Variants in ARB2A observed in about 807,000 individuals in gnomAD.
ARB2A encodes the protein ARB2 cotranscriptional regulator A.
the ARB2A span, among the ~76,000 whole-genome samples, chr5:93,848,045 A>G: frequency 2.6e-5 from 4 of 152,244 alleles, no homozygotes; most frequent in Non-Finnish European, 5.9e-5. Flanking sequence ...TGTTAATAAC[A>G]TTACAAAATC....
At chr5:94,052,953 T>G in the ARB2A span, among the ~76,000 whole-genome samples, 1 of 152,210 alleles carries the variant, frequency 6.6e-6, no homozygotes, top group Admixed American at 6.5e-5. Flanking sequence ...AATTTCACCA[T>G]GCAAGGATGT....
the ARB2A span, among the ~76,000 whole-genome samples, chr5:93,989,109 C>A: frequency 6.6e-6 from 1 of 152,044 alleles, no homozygotes; most frequent in South Asian, 2.1e-4. Context: ...AAATTTTAAC[C>A]AGACACTCTT....
At chr5:93,801,673 C>A in the ARB2A span, among the ~76,000 whole-genome samples, 1 of 152,068 alleles carries the variant, frequency 6.6e-6, no homozygotes, top group Non-Finnish European at 1.5e-5. Flanking sequence ...GGCACATGCA[C>A]ACACACTGTA....
the ARB2A span, chr5:93,741,434 C>A: frequency 1.9e-6 from 3 of 1,613,386 alleles, no homozygotes; most frequent in African/African-American, 2.7e-5. Context: ...CAGACCATCA[C>A]CCTGCCAGGG....
the ARB2A span, among the ~76,000 whole-genome samples, chr5:94,030,476 C>A: frequency 6.6e-6 from 1 of 152,224 alleles, no homozygotes; most frequent in Non-Finnish European, 1.5e-5. Context: ...TGGGCATGGG[C>A]CCCTATATCT....
chr5:93,668,089 G>A, the ARB2A span, among the ~76,000 whole-genome samples: 1 of 152,022 alleles, frequency 6.6e-6, no homozygotes. Context: ...AAAATATTAT[G>A]TTCTTAAAGC....
chr5:93,897,984 C>T, the ARB2A span, among the ~76,000 whole-genome samples: 1 of 151,864 alleles, frequency 6.6e-6, no homozygotes, highest in Admixed American at 6.6e-5. Context: ...ACCATGTTCC[C>T]AGATAAAAGT....
chr5:94,011,254 C>T, the ARB2A span, among the ~76,000 whole-genome samples: 5 of 152,164 alleles, frequency 3.3e-5, no homozygotes, highest in African/African-American at 1.2e-4. Flanking sequence ...AAGTGCTCCT[C>T]GGCCTAGTGC....
chr5:93,937,473 G>A, the ARB2A span, among the ~76,000 whole-genome samples: 6 of 151,868 alleles, frequency 4.0e-5, no homozygotes, highest in East Asian at 1.9e-4. Context: ...TTAGCTGGGC[G>A]TGGTGGCATG....
chr5:94,024,324 G>C, the ARB2A span, among the ~76,000 whole-genome samples: 1 of 152,168 alleles, frequency 6.6e-6, no homozygotes, highest in South Asian at 2.1e-4. Context: ...CCAGCAGACT[G>C]CCTTTGGACT....
At chr5:93,761,398 C>A in the ARB2A span, among the ~76,000 whole-genome samples, 18 of 152,300 alleles carry the variant, frequency 1.2e-4, no homozygotes, top group Admixed American at 1.2e-3. Flanking sequence ...AATAGCACAC[C>A]AGGAGATTAT....
the ARB2A span, among the ~76,000 whole-genome samples, chr5:93,964,136 A>G: frequency 1.3e-5 from 2 of 152,064 alleles, no homozygotes; most frequent in Non-Finnish European, 2.9e-5. Context: ...GGTTTACTAC[A>G]AATAAATAAA....
the ARB2A span, among the ~76,000 whole-genome samples, chr5:93,628,777 G>A: frequency 6.6e-6 from 1 of 152,214 alleles, no homozygotes; most frequent in Admixed American, 6.5e-5. Context: ...ATTGAAGAAA[G>A]TTAGGGTCTT....
chr5:93,726,089 G>T, the ARB2A span, among the ~76,000 whole-genome samples: 3 of 152,062 alleles, frequency 2.0e-5, no homozygotes, highest in Non-Finnish European at 2.9e-5. Flanking sequence ...TCAAGTGATG[G>T]ATCAGTTCTA....
the ARB2A span, among the ~76,000 whole-genome samples, chr5:94,089,899 T>C: frequency 7.2e-5 from 11 of 152,302 alleles, no homozygotes; most frequent in African/African-American, 2.6e-4. Flanking sequence ...ATTCTTTCCC[T>C]TTCAAAACGA....
the ARB2A span, among the ~76,000 whole-genome samples, chr5:93,829,502 C>T: frequency 6.6e-6 from 1 of 152,110 alleles, no homozygotes; most frequent in Admixed American, 6.5e-5. Context: ...TGCATGCTTC[C>T]TATTATTGCA....
At chr5:94,012,427 T>C in the ARB2A span, among the ~76,000 whole-genome samples, 8 of 152,156 alleles carry the variant, frequency 5.3e-5, no homozygotes, top group Non-Finnish European at 7.4e-5. Context: ...AACATTAAGA[T>C]GGAAGGATAA....
chr5:93,761,437 G>A, the ARB2A span, among the ~76,000 whole-genome samples: 5 of 152,168 alleles, frequency 3.3e-5, no homozygotes, highest in African/African-American at 4.8e-5. Context: ...AGGGTCCTAC[G>A]CCCATGGAGC....
the ARB2A span, among the ~76,000 whole-genome samples, chr5:93,695,352 A>C: frequency 6.6e-6 from 1 of 152,146 alleles, no homozygotes; most frequent in South Asian, 2.1e-4. Flanking sequence ...GAAAAAAACC[A>C]TCCCACCAAA....
Sources: gnomAD v4.1 joint callset for allele counts (sites outside exome capture counted in the v4.1 genomes callset) on GRCh38, gnomAD v4.1.1 for gene constraint, MANE v1.5 for transcripts, NCBI Gene and HGNC (gene_info 2026-07-23, HGNC 2026-07-21) for gene names.